Variants in SEMA6D observed in about 807,000 individuals in gnomAD.
The protein encoded by SEMA6D is semaphorin-6D.
Under a neutral mutation model 106.6 loss-of-function variants are expected in SEMA6D, and 35 were observed. That is an observed-to-expected ratio of 0.33 (90% confidence interval 0.25 to 0.44). The LOEUF is 0.44. SEMA6D is among the 20% of genes least tolerant of loss of function. The pLI is 1.00. For missense variants in SEMA6D, 1,185 were observed against 1,345.9 expected (o/e 0.88, Z 1.87); for synonymous variants, 499 against 487.7 (o/e 1.02, Z -0.31).
At chr15:47,650,936 C>G (rs1425101896) in intron 4 of SEMA6D, among the ~76,000 whole-genome samples, 5 of 152,172 alleles carry the variant, frequency 3.3e-5, no homozygotes, top group Admixed American at 3.3e-4. Flanking sequence ...TTAGACCAGT[C>G]AGTGTTTGCA....
intron 4 of SEMA6D, among the ~76,000 whole-genome samples, chr15:47,631,891 G>A (rs953510775): frequency 1.3e-5 from 2 of 151,878 alleles, no homozygotes. Context: ...TCTTTTAATG[G>A]TAAGCATTTC....
chr15:47,771,892 C>A lies in SEMA6D; in HGVS notation c.*107C>A. Reference sequence around the variant, plus strand: ...GAGACTCGCTTGTATTTTAAGAGAACCAAGTGGCCAAAGAAACTCTTTCTA... The same window carrying A: ...GAGACTCGCTTGTATTTTAAGAGAAACAAGTGGCCAAAGAAACTCTTTCTA... On this transcript the variant is annotated 3_prime_UTR_variant, in exon 19 of 19. Coordinates refer to ENST00000536845, the MANE Select transcript of SEMA6D (RefSeq NM_001358351.3). 1 of 1,194,482 alleles carries A rather than the reference C, an allele frequency of 8.4e-7. No individual in the cohort carries two copies. The highest frequency in any genetic ancestry group is 1.2e-6 in the Non-Finnish European group (1 of 846,552). 74.0% of individuals were successfully genotyped at this position (1,194,482 alleles called of 1,614,324 possible). A position where few individuals can be genotyped will look rare whatever the true frequency, so the allele number is the denominator to read the frequency against.
At chr15:47,585,794 A>G (rs554879526) in intron 3 of SEMA6D, among the ~76,000 whole-genome samples, 1 of 152,268 alleles carries the variant, frequency 6.6e-6, no homozygotes, top group South Asian at 2.1e-4. Flanking sequence ...TCCTACAGCA[A>G]CCCCCATAAG....
chr15:47,388,156 A>G (rs1414293427), intron 1 of SEMA6D, among the ~76,000 whole-genome samples: 2 of 152,212 alleles, frequency 1.3e-5, no homozygotes, highest in African/African-American at 2.4e-5. Context: ...TGAAAGTGGT[A>G]GAGAAGGTTG....
chr15:47,609,919 C>G (rs894267466), intron 4 of SEMA6D, among the ~76,000 whole-genome samples: 5 of 152,218 alleles, frequency 3.3e-5, no homozygotes, highest in Admixed American at 3.3e-4. Flanking sequence ...CCTTTTGCAG[C>G]ATCCATTAGG....
chr15:47,725,387 T>C (rs1463643753), intron 1 of SEMA6D, among the ~76,000 whole-genome samples: 1 of 152,230 alleles, frequency 6.6e-6, no homozygotes, highest in Non-Finnish European at 1.5e-5. Flanking sequence ...TGACAACCTT[T>C]TCCTAATAGA....
At chr15:47,652,257 A>G (rs1263213487) in intron 4 of SEMA6D, among the ~76,000 whole-genome samples, 1 of 152,126 alleles carries the variant, frequency 6.6e-6, no homozygotes, top group Non-Finnish European at 1.5e-5. Flanking sequence ...GAGGAGAAAA[A>G]ACCCAAAATC....
chr15:47,375,208 T>C (rs1460029374), intron 1 of SEMA6D, among the ~76,000 whole-genome samples: 1 of 152,164 alleles, frequency 6.6e-6, no homozygotes, highest in African/African-American at 2.4e-5. Context: ...AAAAGATCAG[T>C]CAAGTTGAAA....
At chr15:47,458,322 TAAG>T (rs2042405250) in intron 2 of SEMA6D, among the ~76,000 whole-genome samples, 1 of 151,860 alleles carries the variant, frequency 6.6e-6, no homozygotes, top group African/African-American at 2.4e-5. Context: ...TTATACTAAA[TAAG>T]AATATAAAAG....
chr15:47,221,813 G>C (rs1368372825), intron 1 of SEMA6D, among the ~76,000 whole-genome samples: 1 of 152,114 alleles, frequency 6.6e-6, no homozygotes, highest in African/African-American at 2.4e-5. Context: ...TTATTTAAAT[G>C]GATTGATAAA....
intron 2 of SEMA6D, among the ~76,000 whole-genome samples, chr15:47,458,905 C>T (rs1264832101): frequency 6.6e-6 from 1 of 151,892 alleles, no homozygotes; most frequent in Admixed American, 6.6e-5. Flanking sequence ...TAAAGAATAT[C>T]AGTATAAATG....
intron 4 of SEMA6D, among the ~76,000 whole-genome samples, chr15:47,711,309 CAAAA>C (rs10672105): frequency 5.0e-4 from 49 of 97,772 alleles, no homozygotes; most frequent in Admixed American, 1.2e-3. Flanking sequence ...GACTCCGTCT[CAAAA>C]AAAAAAAAAA....
chr15:47,243,258 A>T (rs2033016972), intron 1 of SEMA6D, among the ~76,000 whole-genome samples: 1 of 152,014 alleles, frequency 6.6e-6, no homozygotes, highest in Admixed American at 6.6e-5. Flanking sequence ...GCATACCCAG[A>T]CTTCACTCTC....
rs368773029 is a variant in SEMA6D, at chr15:47,215,136, A to G, written c.-239+30718A>G. On this transcript the variant is annotated intron_variant, in intron 1 of 19. Coordinates refer to the SEMA6D transcript ENST00000558014. ...GGTATTCTTTTTGATGGACAATTCA[A>G]TTGCATTTAAATTCAAACAAACATC... 1.8e-4 allele frequency among the ~76,000 whole-genome samples: 27 copies of G among 146,688 alleles called. No homozygotes were observed. In the East Asian group the frequency reaches 4.8e-3, roughly 26 times the overall value.
chr15:47,453,707 G>T (rs1596035879), intron 2 of SEMA6D, among the ~76,000 whole-genome samples: 1 of 151,858 alleles, frequency 6.6e-6, no homozygotes, highest in Non-Finnish European at 1.5e-5. Context: ...TTCAAAACAG[G>T]AGCCACTTCT....
At chr15:47,417,022 T>C (rs2040991183) in intron 2 of SEMA6D, among the ~76,000 whole-genome samples, 1 of 152,076 alleles carries the variant, frequency 6.6e-6, no homozygotes, top group Non-Finnish European at 1.5e-5. Flanking sequence ...CAGTGACTTA[T>C]GAAAAATTGG....
chr15:47,434,559 T>G (rs1305137278), intron 2 of SEMA6D, among the ~76,000 whole-genome samples: 1 of 151,718 alleles, frequency 6.6e-6, no homozygotes, highest in East Asian at 1.9e-4. Context: ...TAAACATAAC[T>G]TTTTTTTCCT....
chr15:47,412,962 A>G (rs2040846209), intron 2 of SEMA6D, among the ~76,000 whole-genome samples: 1 of 152,206 alleles, frequency 6.6e-6, no homozygotes, highest in Non-Finnish European at 1.5e-5. Context: ...TCTGAGGCCG[A>G]TGACAGTGCA....
At chr15:47,452,133 C>T (rs1488724763) in intron 2 of SEMA6D, among the ~76,000 whole-genome samples, 1 of 151,932 alleles carries the variant, frequency 6.6e-6, no homozygotes, top group African/African-American at 2.4e-5. Context: ...ACTTAATTTT[C>T]GTCACTCTTC....
Sources: allele counts gnomAD v4.1 joint callset (sites outside exome capture counted in the v4.1 genomes callset), GRCh38; gene constraint gnomAD v4.1.1; transcripts MANE v1.5; gene names NCBI Gene and HGNC (gene_info 2026-07-23, HGNC 2026-07-21).